LRCH1: variants seen among roughly 807,000 people sequenced by gnomAD.
The protein encoded by LRCH1 is leucine-rich repeat and calponin homology domain-containing protein 1.
Under a neutral mutation model 94.9 loss-of-function variants are expected in LRCH1, and 23 were observed. The observed-to-expected ratio is 0.24, with a 90% CI of 0.17 to 0.34. LRCH1 has a LOEUF of 0.34. Among genes scored for constraint, LRCH1 ranks in the 10% least tolerant of loss-of-function variants. The probability of loss-of-function intolerance (pLI) is 1.00; values close to 1 mark genes in which losing one functional copy is unlikely to be tolerated. For missense variants in LRCH1, 790 were observed against 945.9 expected (o/e 0.84, Z 2.16); for synonymous variants, 364 against 354.9 (o/e 1.03, Z -0.29).
At chr13:46,692,923 T>C (rs1179474883) in intron 8 of LRCH1, among the ~76,000 whole-genome samples, 1 of 151,986 alleles carries the variant, frequency 6.6e-6, no homozygotes, top group Non-Finnish European at 1.5e-5. Context: ...CTTCCTACGG[T>C]ACATAGTAGA....
chr13:46,747,591 G>A (rs1873960015), downstream of LRCH1, among the ~76,000 whole-genome samples: 1 of 152,214 alleles, frequency 6.6e-6, no homozygotes, highest in Admixed American at 6.5e-5. Context: ...TAAACACTGA[G>A]GTTGAAAAGC....
exon 19 of LRCH1, chr13:46,750,611 A>G (rs1312223450): frequency 2.6e-6 from 4 of 1,551,992 alleles, no homozygotes; most frequent in Middle Eastern, 3.3e-4. Context: ...CCATTCAAGC[A>G]TTACTAGACA....
In LRCH1 at chr13:46,553,309, T is replaced by C; in HGVS notation, c.-88T>C. ...GCCTTTCGGTGGAGCACTGCGGCAC[T>C]CAGCCCGAGCTGCCGTTTTCCCCTC... On this transcript the variant is annotated 5_prime_UTR_variant, in exon 1 of 20. Coordinates refer to ENST00000389797, the MANE Select transcript of LRCH1 (RefSeq NM_001164211.2). The C allele has an allele frequency of 1.0e-6, 1 of 981,920 alleles. No individual in the cohort carries two copies. Among genetic ancestry groups the C allele is most frequent in the Non-Finnish European group, 1.4e-6 (1 of 717,738 alleles). 60.8% of individuals were successfully genotyped at this position (981,920 alleles called of 1,614,324 possible).
chr13:46,638,614 T>C (rs573096226), intron 1 of LRCH1, among the ~76,000 whole-genome samples: 2 of 152,354 alleles, frequency 1.3e-5, no homozygotes, highest in East Asian at 3.9e-4. Flanking sequence ...TTCATTTCTT[T>C]ATGTTGGAAG....
At chr13:46,717,386 G>A (rs570038380) in intron 16 of LRCH1, 1 of 152,236 alleles carries the variant, frequency 6.6e-6, no homozygotes, top group East Asian at 1.9e-4. Flanking sequence ...CTGTTATGCT[G>A]TACCACAATA....
chr13:46,615,889 A>G (rs898034195), intron 1 of LRCH1, among the ~76,000 whole-genome samples: 18 of 152,322 alleles, frequency 1.2e-4, no homozygotes, highest in African/African-American at 4.3e-4. Context: ...GGGGAAGAGA[A>G]GCCACCAGAT....
At chr13:46,665,732 C>G (rs2051506219) in intron 2 of LRCH1, among the ~76,000 whole-genome samples, 1 of 152,126 alleles carries the variant, frequency 6.6e-6, no homozygotes, top group Non-Finnish European at 1.5e-5. Context: ...ACAATATGGC[C>G]TTATTTTCAA....
At chr13:46,627,224 G>A (rs1250049822) in intron 1 of LRCH1, among the ~76,000 whole-genome samples, 1 of 152,148 alleles carries the variant, frequency 6.6e-6, no homozygotes, top group Non-Finnish European at 1.5e-5. Context: ...ATCACACAAT[G>A]CTTAAGCCCC....
At chr13:46,674,673 A>G (rs1159940639) in intron 3 of LRCH1, among the ~76,000 whole-genome samples, 1 of 152,202 alleles carries the variant, frequency 6.6e-6, no homozygotes, top group Non-Finnish European at 1.5e-5. Context: ...TTTACTGAGC[A>G]CCTGCTATAT....
At chr13:46,675,147 T>A (rs1185342726) in intron 3 of LRCH1, among the ~76,000 whole-genome samples, 4 of 152,258 alleles carry the variant, frequency 2.6e-5, no homozygotes, top group Non-Finnish European at 5.9e-5. Context: ...ACATGGTTCT[T>A]TTACTGCTAA....
intron 17 of LRCH1, among the ~76,000 whole-genome samples, chr13:46,726,862 C>CAAAAAAAAAAAAA (rs71077918): frequency 1.3e-5 from 1 of 78,004 alleles, no homozygotes; most frequent in African/African-American, 5.5e-5. Flanking sequence ...AGAGCAGTGT[C>CAAAAAAAAAAAAA]AAAAAAAAAA....
At chr13:46,654,345 T>C (rs544896221) in intron 2 of LRCH1, among the ~76,000 whole-genome samples, 2 of 152,350 alleles carry the variant, frequency 1.3e-5, no homozygotes, top group Admixed American at 6.5e-5. Context: ...TTTTCACGTC[T>C]TTTCTGCTCC....
intron 1 of LRCH1, among the ~76,000 whole-genome samples, chr13:46,626,306 A>T (rs1282921620): frequency 6.6e-6 from 1 of 152,192 alleles, no homozygotes; most frequent in East Asian, 1.9e-4. Context: ...AAGCCAAGCC[A>T]TCACATCCCC....
intron 1 of LRCH1, among the ~76,000 whole-genome samples, chr13:46,638,536 T>G (rs2051120246): frequency 6.6e-6 from 1 of 152,244 alleles, no homozygotes; most frequent in Non-Finnish European, 1.5e-5. Context: ...AACACAAGTA[T>G]TTGGAAAACC....
intron 1 of LRCH1, among the ~76,000 whole-genome samples, chr13:46,618,958 AG>A (rs2050844849): frequency 6.6e-6 from 1 of 152,166 alleles, no homozygotes; most frequent in South Asian, 2.1e-4. Flanking sequence ...TAACTTTTAG[AG>A]CGATGGTGCC....
intron 18 of LRCH1, 63 bp downstream of exon 18, chr13:46,729,047 GT>G: frequency 6.7e-7 from 1 of 1,496,450 alleles, no homozygotes; most frequent in Admixed American, 1.9e-5. Flanking sequence ...ACTGTTGTTG[GT>G]TTAGGATGTC....
chr13:46,596,543 A>G (rs1428197048), intron 1 of LRCH1, among the ~76,000 whole-genome samples: 1 of 152,240 alleles, frequency 6.6e-6, no homozygotes, highest in Non-Finnish European at 1.5e-5. Flanking sequence ...ATCTTAGCAT[A>G]TATCTGGAAA....
intron 13 of LRCH1, among the ~76,000 whole-genome samples, chr13:46,708,600 A>C (rs1450569852): frequency 6.6e-6 from 1 of 152,162 alleles, no homozygotes; most frequent in African/African-American, 2.4e-5. Flanking sequence ...TAATAGCAAT[A>C]CATGCGCTGA....
Position 46,650,270 on chromosome 13 carries a change from A to G in LRCH1, c.377A>G (p.Asn126Ser), listed in dbSNP as rs752533558. The G allele has an allele frequency of 2.5e-6, 4 of 1,612,710 alleles. No homozygotes were observed. The African/African-American group carries it at 4.0e-5, about 16-fold the overall frequency. ...LCHFVSLEIL[N>S]LYHNCIRVIP... is the part of the protein sequence containing the mutation. The stretch of plus-strand genomic sequence containing the variant: ...CATTTTGTATCACTGGAAATTCTTA[A>G]TCTGTATCACAACTGTATCAGAGTC... The change falls in exon 2 of 20, where the codon AAT becomes AGT. Residue 126 changes from asparagine (N) to serine (S), a missense_variant. By Grantham distance (46) the Asn-to-Ser change is conservative. This residue lies in a region of LRCH1 where 194 missense variants were observed against 293.5 expected (regional missense o/e 0.66). Transcript: ENST00000389797.
Sources: gnomAD v4.1 joint callset for allele counts (sites outside exome capture counted in the v4.1 genomes callset) on GRCh38, gnomAD v4.1.1 for gene constraint, gnomAD v4.1.1 regional missense constraint, MANE v1.5 for transcripts, NCBI Gene and HGNC (gene_info 2026-07-23, HGNC 2026-07-21) for gene names.